The following GLB1L variants were observed in gnomAD, a reference collection of about 807,000 sequenced individuals.
GLB1L encodes beta-galactosidase-1-like protein.
In GLB1L, 58 loss-of-function variants were observed where a neutral mutation model predicts 75.7. The ratio of observed to expected loss-of-function variants is 0.77; its 90% CI spans 0.62 to 0.95. GLB1L has a LOEUF of 0.95. Ranked by LOEUF, GLB1L falls within the 40% of genes least tolerant of loss-of-function variation. The pLI, the probability that GLB1L is intolerant of heterozygous loss-of-function variation, is 0.00. For missense variants in GLB1L, 797 were observed against 805.5 expected, an observed-to-expected ratio of 0.99 and a Z score of 0.13; for synonymous variants, 296 against 303.0, an observed-to-expected ratio of 0.98 and a Z score of 0.24.
chr2:219,239,832 A>C lies in GLB1L; in HGVS notation c.723T>G (p.Ala241=), dbSNP rs772765930. 1.2e-6 allele frequency: 2 copies of C among 1,614,220 alleles called. No individual in the cohort carries two copies. The highest frequency in any genetic ancestry group is 1.7e-6 in the Non-Finnish European group (2 of 1,180,044). Residue 241 remains alanine (A), a splice_region_variant and synonymous_variant, in exon 8 of 17, where the codon GCT becomes GCG. Coordinates refer to ENST00000295759, the MANE Select transcript of GLB1L (RefSeq NM_001286423.2). ...GGGTAAAGATTTTGGTCATGTTGTCAGCTGCGGAAAGGAGGCAAAAGAAAA... is the reference window on the plus strand; with the variant it reads ...GGGTAAAGATTTTGGTCATGTTGTCCGCTGCGGAAAGGAGGCAAAAGAAAA... ...GLYTTVDFGP[A]DNMTKIFTLL... is the part of the protein sequence containing the mutation.
In GLB1L at chr2:219,240,361, C is replaced by G; in HGVS notation, c.452-76G>C. 3 of 1,196,434 alleles carry G rather than the reference C, an allele frequency of 2.5e-6. No individual in the cohort carries two copies. In the South Asian group the frequency reaches 3.6e-5, roughly 15 times the overall value. 74.1% of individuals were successfully genotyped at this position (1,196,434 alleles called of 1,614,324 possible). ...CACCACTAAATATGGGAAGCAATGA[C>G]TCTTGTCAAGAAATTCCCAACCCTA... On this transcript the variant is annotated intron_variant, in intron 5 of 16. Transcript: ENST00000295759.
rs1951325068 is a variant in GLB1L at position 219,239,166 on chromosome 2, C to T, written c.988G>A (p.Asp330Asn). 1.2e-6 allele frequency: 2 copies of T among 1,614,098 alleles called. No individual in the cohort carries two copies. The highest frequency in any genetic ancestry group is 1.7e-6 in the Non-Finnish European group (2 of 1,179,996). The change falls in exon 11 of 17, where the codon GAC becomes AAC. Residue 330 changes from aspartate (D) to asparagine (N), a missense_variant. Transcript: ENST00000295759. Reference protein sequence around the residue: ...GRFLPITTSYDYDAPISEAGD... With the variant: ...GRFLPITTSYNYDAPISEAGD... ...GCTTCAGATATAGGTGCATCATAGTCATAGCTGGTAGTAATCGGAAGGAAG... is the reference window on the plus strand; with the variant it reads ...GCTTCAGATATAGGTGCATCATAGTTATAGCTGGTAGTAATCGGAAGGAAG...
At chr2:219,241,440 G>GTATATA (rs1156460315) in intron 5 of GLB1L, among the ~76,000 whole-genome samples, 87 of 85,522 alleles carry the variant, frequency 1.0e-3, no homozygotes, top group East Asian at 3.3e-3. Flanking sequence ...GTGTGTGTGT[G>GTATATA]TGTATATATA....
At position 219,237,252 on chromosome 2, in the gene GLB1L, A is replaced by G. The variant is rs61733623; in HGVS notation, c.1785T>C (p.Pro595=). Residue 595 remains proline (P), a synonymous_variant, in exon 17 of 17, where the codon CCT becomes CCC. Transcript: ENST00000295759. ...TLYVPRFLLF[P]RGALNKITLL... The stretch of plus-strand genomic sequence containing the variant: ...ATGTAATTTTGTTGAGGGCTCCCCT[A>G]GGAAACAGCAGGAATCTTGGCACGT... The G allele has an allele frequency of 0.015, 24,802 of 1,614,148 alleles. 271 individuals carry two copies. The highest frequency in any genetic ancestry group is 0.018 in the Non-Finnish European group (21,417 of 1,180,020).
rs1336411549 is a variant in GLB1L, at chr2:219,242,581, C to T, written c.391-7G>A. The T allele has an allele frequency of 1.2e-6, 2 of 1,612,212 alleles. No homozygotes were observed. ...ACCAGGATGGGAGACCCCCCTGAGA[C>T]AAACATAAAGAGAACAAAGAAGCAT... is the stretch of plus-strand genomic sequence containing the variant. On this transcript the variant is annotated splice_polypyrimidine_tract_variant and splice_region_variant and intron_variant, in intron 4 of 16. Coordinates refer to ENST00000295759, the MANE Select transcript of GLB1L (RefSeq NM_001286423.2).
chr2:219,241,032 G>A (rs1951371868), intron 5 of GLB1L, among the ~76,000 whole-genome samples: 1 of 151,774 alleles, frequency 6.6e-6, no homozygotes, highest in Non-Finnish European at 1.5e-5. Flanking sequence ...AGTGAGCCAA[G>A]GTCACGTGAC....
intron 10 of GLB1L, 55 bp downstream of exon 10, chr2:219,239,356 G>GAT: frequency 6.5e-7 from 1 of 1,543,712 alleles, no homozygotes; most frequent in Non-Finnish European, 8.8e-7. Context: ...CTGGCCCTTA[G>GAT]ATTCTAATTC....
At chr2:219,239,876 A>T (rs73991428) in intron 7 of GLB1L, 43 bp from the exon 8 acceptor site, 32,028 of 1,614,006 alleles carry the variant, frequency 0.02, 885 homozygotes, top group East Asian at 0.11. Context: ...GTCGTGGAAG[A>T]GGTGTCCTTT....
intron 14 of GLB1L, 108 bp from the exon 15 acceptor site, chr2:219,238,065 CATCT>C (rs1951294630): frequency 8.5e-7 from 1 of 1,171,346 alleles, no homozygotes; most frequent in Non-Finnish European, 1.2e-6. Context: ...AGAATGTAGC[CATCT>C]ATCACCCATC....
At chr2:219,243,097 G>T (rs755138912) in intron 3 of GLB1L, 51 bp downstream of exon 3, 1 of 1,560,990 alleles carries the variant, frequency 6.4e-7, no homozygotes, top group Non-Finnish European at 8.7e-7. Context: ...ATAAGGGGGC[G>T]GTAGAAAAAG....
rs1951270708 is a variant in GLB1L, at chr2:219,237,251, T to C, written c.1786A>G (p.Arg596Gly). 3.7e-6 allele frequency: 6 copies of C among 1,614,084 alleles called. No homozygotes were observed. In the East Asian group the frequency reaches 1.3e-4, roughly 36 times the overall value. ...AATGTAATTTTGTTGAGGGCTCCCC[T>C]AGGAAACAGCAGGAATCTTGGCACG... ...LYVPRFLLFP[R>G]GALNKITLLE... The change falls in exon 17 of 17, where the codon AGG (arginine) becomes GGG (glycine). Residue 596 changes from arginine (R) to glycine (G), a missense_variant. Arg to Gly is a moderately radical substitution (Grantham distance 125, BLOSUM62 -2). Transcript: ENST00000295759.
At chr2:219,242,671 A>AT (rs1404843354) in intron 4 of GLB1L, 97 bp from the exon 5 acceptor site, 9 of 1,541,836 alleles carry the variant, frequency 5.8e-6, no homozygotes, top group Non-Finnish European at 8.1e-6. Context: ...AAGGAATTGA[A>AT]TATAGTGCTG....
chr2:219,238,844 T>G, intron 11 of GLB1L, 65 bp from the exon 12 acceptor site: 2 of 1,398,616 alleles, frequency 1.4e-6, no homozygotes, highest in Non-Finnish European at 2.0e-6. Context: ...TCCAAGACTC[T>G]AGGGCAGAGT....
chr2:219,243,512 A>AAG lies in GLB1L; in HGVS notation c.61_62insCT (p.Leu21ProfsTer12), dbSNP rs765894668. 6.0e-5 allele frequency: 97 copies of AAG among 1,614,102 alleles called. No homozygotes were observed. The highest frequency in any genetic ancestry group is 7.9e-5 in the Non-Finnish European group (93 of 1,180,022). On this transcript the variant is annotated frameshift_variant, in exon 2 of 17. Coordinates refer to ENST00000295759, the MANE Select transcript of GLB1L (RefSeq NM_001286423.2). LOFTEE classifies it high-confidence loss of function. The stretch of plus-strand genomic sequence containing the variant: ...ACCGTCTCATCTTACCTGGGGCAGC[A>AAG]GTAGCGTCAGGCTGAGCGGCAGCAG...
intron 13 of GLB1L, 30 bp from the exon 14 acceptor site, chr2:219,238,393 A>T (rs776043368): frequency 1.3e-6 from 2 of 1,567,032 alleles, no homozygotes; most frequent in Non-Finnish European, 1.7e-6. Flanking sequence ...TACTTCAGAC[A>T]AACAGAAATA....
chr2:219,243,419 G>T, intron 2 of GLB1L, 83 bp downstream of exon 2: 1 of 1,599,332 alleles, frequency 6.3e-7, no homozygotes, highest in Non-Finnish European at 8.6e-7. Context: ...GGGTTGTTTG[G>T]TTGTTACTTT....
At chr2:219,242,710 G>C (rs1951421084) in intron 4 of GLB1L, 58 bp downstream of exon 4, 1 of 1,592,412 alleles carries the variant, frequency 6.3e-7, no homozygotes, top group African/African-American at 1.3e-5. Context: ...GGGCAGATGG[G>C]AGTAGTCTAG....
In GLB1L at chr2:219,243,229, A is replaced by G. The variant is rs1372243473; in HGVS notation, c.158T>C (p.Leu53Pro). ...CACCCGCGGTACCCGAAAGTAGTGC[A>G]GGCTGCCAGACACATAGCGGAACGG... The part of the protein sequence containing the change: ...GAPFRYVSGS[L>P]HYFRVPRVLW... The change falls in exon 3 of 17, where the codon CTG becomes CCG. Residue 53 changes from leucine to proline, a missense_variant. Transcript: ENST00000295759. 2 of 1,614,150 alleles carry G rather than the reference A, an allele frequency of 1.2e-6. No homozygotes were observed.
Position 219,243,133 on chromosome 2 carries a change from G to C in GLB1L, c.239+15C>G. On this transcript the variant is annotated intron_variant, in intron 3 of 16. Transcript: ENST00000295759. The stretch of plus-strand genomic sequence containing the variant: ...TAGATCCCATCCCTCCGCGGCTCTT[G>C]CGAGCACTTCTTACAACTGTATGGC... 1 of 1,587,338 alleles carries C rather than the reference G, an allele frequency of 6.3e-7. No homozygotes were observed. Among genetic ancestry groups the C allele is most frequent in the South Asian group, 1.1e-5 (1 of 88,706 alleles).
Sources: gnomAD v4.1 joint callset for allele counts (sites outside exome capture counted in the v4.1 genomes callset) on GRCh38, gnomAD v4.1.1 for gene constraint, MANE v1.5 for transcripts, NCBI Gene and HGNC (gene_info 2026-07-23, HGNC 2026-07-21) for gene names.